Variants in HECW1 observed in about 807,000 individuals in gnomAD.
HECW1 encodes the protein HECT, C2 and WW domain containing E3 ubiquitin protein ligase 1, also known as E3 ubiquitin-protein ligase HECW1.
Under a neutral mutation model 182.3 loss-of-function variants are expected in HECW1, and 61 were observed. That is an observed-to-expected ratio of 0.33 (90% CI 0.27 to 0.41). The LOEUF (loss-of-function observed/expected upper bound fraction) is 0.41, where lower values mean the gene tolerates loss of function less well. Ranked by LOEUF, HECW1 falls within the 10% of genes least tolerant of loss-of-function variation. The probability of loss-of-function intolerance (pLI) is 1.00; values close to 1 mark genes in which losing one functional copy is unlikely to be tolerated. For synonymous variants in HECW1, 859 were observed against 832.6 expected, an observed-to-expected ratio of 1.03 and a Z score of -0.55; for missense variants, 1,739 against 2,108.9, an observed-to-expected ratio of 0.82 and a Z score of 3.44.
Position 43,210,410 on chromosome 7 carries a change from G to A in HECW1, c.-31-33465G>A, listed in dbSNP as rs540212483. ...CTGAGACAGGATTTTTGCATGCCTG[G>A]GCCACTGATAGAAGACTCAAGAAGG... is the stretch of plus-strand genomic sequence containing the variant. On this transcript the variant is annotated intron_variant, in intron 2 of 29. Transcript: ENST00000395891. Among the ~76,000 whole-genome samples, 3 of 151,694 alleles carry A rather than the reference G, an allele frequency of 2.0e-5. No homozygotes were observed. In the South Asian group the frequency reaches 6.3e-4, roughly 32 times the overall value.
intron 24 of HECW1, chr7:43,512,270 T>A (rs1285111533): frequency 4.5e-6 from 1 of 223,042 alleles, no homozygotes; most frequent in African/African-American, 2.2e-5. Flanking sequence ...CAGGGCAGGA[T>A]TTGGCCTGCA....
intron 6 of HECW1, among the ~76,000 whole-genome samples, chr7:43,366,895 C>T (rs990937097): frequency 3.3e-5 from 5 of 152,142 alleles, no homozygotes; most frequent in Non-Finnish European, 5.9e-5. Context: ...CCTGAGATCC[C>T]GGGAGAGCAG....
intron 2 of HECW1, among the ~76,000 whole-genome samples, chr7:43,139,423 G>A (rs958070136): frequency 6.6e-6 from 1 of 152,204 alleles, no homozygotes; most frequent in Non-Finnish European, 1.5e-5. Flanking sequence ...AGTCAAAGAC[G>A]CAACATGCAA....
chr7:43,466,924 T>C (rs1249549159), intron 15 of HECW1, among the ~76,000 whole-genome samples: 3 of 152,362 alleles, frequency 2.0e-5, no homozygotes, highest in Admixed American at 2.0e-4. Context: ...TTTTCACTGA[T>C]ACAATTTCAA....
At chr7:43,194,821 G>A (rs369849088) in intron 2 of HECW1, among the ~76,000 whole-genome samples, 249 of 152,020 alleles carry the variant, frequency 1.6e-3, no homozygotes, top group African/African-American at 5.7e-3. Context: ...AGCCTCCCAA[G>A]TAGCTGGGAT....
Position 43,376,521 on chromosome 7 carries a change from T to A in HECW1, c.555+15541T>A, listed in dbSNP as rs541322627. 3.9e-4 allele frequency among the ~76,000 whole-genome samples: 59 copies of A among 152,254 alleles called. 1 individual carries two copies. The South Asian group carries it at 0.011, about 29-fold the overall frequency. On this transcript the variant is annotated intron_variant, in intron 6 of 29. Coordinates refer to ENST00000395891, the MANE Select transcript of HECW1 (RefSeq NM_015052.5). ...TACATCCTGGTTTTTAAATCCTAAA[T>A]GGCCTCTCAATAAAAACTCTTTGTA...
intron 2 of HECW1, among the ~76,000 whole-genome samples, chr7:43,204,963 G>A (rs1290352207): frequency 6.6e-6 from 1 of 152,138 alleles, no homozygotes; most frequent in Admixed American, 6.5e-5. Flanking sequence ...ACATTTCTGG[G>A]TGGTAGAAGG....
chr7:43,231,755 G>A (rs1011756676), intron 2 of HECW1, among the ~76,000 whole-genome samples: 6 of 152,046 alleles, frequency 3.9e-5, no homozygotes, highest in African/African-American at 1.4e-4. Flanking sequence ...GGTGGCTCAC[G>A]CCTGTAATCC....
intron 2 of HECW1, among the ~76,000 whole-genome samples, chr7:43,145,112 C>G (rs1788558343): frequency 6.6e-6 from 1 of 152,122 alleles, no homozygotes; most frequent in South Asian, 2.1e-4. Flanking sequence ...ATTACTAACT[C>G]TCTCAACAGA....
chr7:43,378,397 A>G (rs1451149890), intron 6 of HECW1, among the ~76,000 whole-genome samples: 1 of 152,276 alleles, frequency 6.6e-6, no homozygotes, highest in African/African-American at 2.4e-5. Flanking sequence ...AGCCTGTAAC[A>G]AAGAGCTATC....
At chr7:43,281,392 T>C (rs1562778440) in intron 3 of HECW1, among the ~76,000 whole-genome samples, 2 of 152,240 alleles carry the variant, frequency 1.3e-5, no homozygotes, top group Non-Finnish European at 2.9e-5. Context: ...CCAAGCTCTA[T>C]ACATGAATTA....
At chr7:43,335,430 A>G (rs1358978130) in intron 5 of HECW1, among the ~76,000 whole-genome samples, 1 of 152,224 alleles carries the variant, frequency 6.6e-6, no homozygotes, top group Admixed American at 6.5e-5. Context: ...TTTATAAAGG[A>G]GGAAGAGACA....
chr7:43,163,667 C>A (rs1211067231), intron 2 of HECW1, among the ~76,000 whole-genome samples: 1 of 152,098 alleles, frequency 6.6e-6, no homozygotes, highest in African/African-American at 2.4e-5. Context: ...GAAAGAGTTG[C>A]CCCAGGTTCG....
intron 5 of HECW1, among the ~76,000 whole-genome samples, chr7:43,358,950 G>A (rs1283184144): frequency 1.3e-5 from 2 of 148,518 alleles, no homozygotes; most frequent in African/African-American, 2.5e-5. Flanking sequence ...TCAGCCTTCC[G>A]AAGTAGCTGG....
At chr7:43,401,248 G>A (rs917615830) in intron 7 of HECW1, among the ~76,000 whole-genome samples, 4 of 152,160 alleles carry the variant, frequency 2.6e-5, no homozygotes, top group African/African-American at 9.7e-5. Flanking sequence ...TTCAAAAGCA[G>A]TACAGGTCAC....
chr7:43,518,901 T>G (rs2080299693), intron 24 of HECW1, among the ~76,000 whole-genome samples: 1 of 152,174 alleles, frequency 6.6e-6, no homozygotes, highest in African/African-American at 2.4e-5. Context: ...TCATGCATTG[T>G]TGGTAGAAAC....
Position 43,255,230 on chromosome 7 carries a change from G to T in HECW1, c.27+11298G>T, listed in dbSNP as rs540870972. On this transcript the variant is annotated intron_variant, in intron 3 of 29. Transcript: ENST00000395891. Reference sequence around the variant, plus strand: ...AGCAAAAGAGTTTGAAATAAAAATAGCTGGAGAGAGTCAAGTACTGTTCCA... The same window carrying T: ...AGCAAAAGAGTTTGAAATAAAAATATCTGGAGAGAGTCAAGTACTGTTCCA... 2.0e-5 allele frequency among the ~76,000 whole-genome samples: 3 copies of T among 152,304 alleles called. No homozygotes were observed. The South Asian group carries it at 6.2e-4, about 32-fold the overall frequency.
At chr7:43,170,140 G>A (rs1159595357) in intron 2 of HECW1, among the ~76,000 whole-genome samples, 1 of 152,182 alleles carries the variant, frequency 6.6e-6, no homozygotes, top group Non-Finnish European at 1.5e-5. Flanking sequence ...GTGGTGACAA[G>A]ATTCTCATAG....
intron 3 of HECW1, among the ~76,000 whole-genome samples, chr7:43,303,105 C>G (rs1562805330): frequency 6.6e-6 from 1 of 152,156 alleles, no homozygotes; most frequent in Non-Finnish European, 1.5e-5. Flanking sequence ...CCCACAGCCC[C>G]CTGCCCATTC....
Sources: allele counts gnomAD v4.1 joint callset (sites outside exome capture counted in the v4.1 genomes callset), GRCh38; gene constraint gnomAD v4.1.1; transcripts MANE v1.5; gene names NCBI Gene and HGNC (gene_info 2026-07-23, HGNC 2026-07-21).